The following OPCML variants were observed in gnomAD, a reference collection of about 807,000 sequenced individuals.
OPCML encodes opioid binding protein/cell adhesion molecule like.
In OPCML, 13 loss-of-function variants were observed where a neutral mutation model predicts 37.8. The observed-to-expected ratio is 0.34, with a 90% CI of 0.22 to 0.55. OPCML has a LOEUF of 0.55. Ranked by LOEUF, OPCML falls within the 20% of genes least tolerant of loss-of-function variation. The pLI, the probability that OPCML is intolerant of heterozygous loss-of-function variation, is 0.91. For missense variants in OPCML, 341 were observed against 435.6 expected, an observed-to-expected ratio of 0.78 and a Z score of 1.93; for synonymous variants, 176 against 168.8, an observed-to-expected ratio of 1.04 and a Z score of -0.33.
At chr11:133,169,237 C>T (rs1190849995) in intron 1 of OPCML, among the ~76,000 whole-genome samples, 1 of 152,168 alleles carries the variant, frequency 6.6e-6, no homozygotes. Flanking sequence ...CAATATCGTA[C>T]AGCTGGAAAG....
At chr11:132,435,008 A>G (rs2096008504) in intron 7 of OPCML, 14 of 398,988 alleles carry the variant, frequency 3.5e-5, no homozygotes, top group South Asian at 2.6e-4. Flanking sequence ...CTTATTATCT[A>G]AACTGTGTAA....
At chr11:132,704,641 AG>A (rs1943960301) in intron 2 of OPCML, among the ~76,000 whole-genome samples, 1 of 152,238 alleles carries the variant, frequency 6.6e-6, no homozygotes, top group South Asian at 2.1e-4. Context: ...AATAAACAAA[AG>A]TAAGGTCAAA....
intron 2 of OPCML, among the ~76,000 whole-genome samples, chr11:132,716,185 T>C (rs1039946970): frequency 6.6e-6 from 1 of 152,074 alleles, no homozygotes; most frequent in African/African-American, 2.4e-5. Context: ...AGGCAGGTAA[T>C]GAGAGCAGAG....
intron 1 of OPCML, among the ~76,000 whole-genome samples, chr11:133,030,054 C>T (rs924053657): frequency 1.3e-5 from 2 of 152,124 alleles, no homozygotes; most frequent in Admixed American, 1.3e-4. Flanking sequence ...TGCTCCCTGT[C>T]ACATCCCCTC....
intron 4 of OPCML, among the ~76,000 whole-genome samples, chr11:132,519,899 T>C (rs759818457): frequency 1.3e-5 from 2 of 152,172 alleles, no homozygotes; most frequent in Non-Finnish European, 2.9e-5. Flanking sequence ...GGTCAACTAA[T>C]AGGCAATTCC....
chr11:132,649,731 A>C (rs559426828), intron 3 of OPCML, among the ~76,000 whole-genome samples: 5 of 152,254 alleles, frequency 3.3e-5, no homozygotes, highest in African/African-American at 7.2e-5. Flanking sequence ...ATATCCAAGC[A>C]TATATATGTG....
intron 1 of OPCML, among the ~76,000 whole-genome samples, chr11:133,172,640 T>G (rs1950303229): frequency 6.6e-6 from 1 of 152,096 alleles, no homozygotes; most frequent in South Asian, 2.1e-4. Flanking sequence ...ACAGTCAGAT[T>G]TATTTGTATC....
intron 1 of OPCML, chr11:133,004,853 A>G (rs1464344043): frequency 2.0e-6 from 2 of 985,280 alleles, no homozygotes; most frequent in East Asian, 2.3e-4. Context: ...CACCATCCCC[A>G]AGACAGAAAT....
rs116055135 is a variant in OPCML at position 132,936,438 on chromosome 11, C to T, written c.146+6488G>A. On this transcript the variant is annotated intron_variant, in intron 2 of 7. Coordinates refer to ENST00000524381, the MANE Select transcript of OPCML (RefSeq NM_001012393.5). ...AGGGATTGTAATGGTCTGAAAATTACATGACATGTTAGGTAATTAATGTGG... is the reference window on the plus strand; with the variant it reads ...AGGGATTGTAATGGTCTGAAAATTATATGACATGTTAGGTAATTAATGTGG... 7.4e-3 allele frequency among the ~76,000 whole-genome samples: 1,130 copies of T among 152,258 alleles called. 14 individuals carry two copies. The highest frequency in any genetic ancestry group is 0.026 in the African/African-American group (1,073 of 41,540).
At chr11:132,637,260 C>A (rs570895757) in intron 3 of OPCML, among the ~76,000 whole-genome samples, 1 of 152,080 alleles carries the variant, frequency 6.6e-6, no homozygotes, top group East Asian at 1.9e-4. Context: ...CTATTTCCAC[C>A]GTTTTTTTCC....
At chr11:132,862,510 C>T (rs1197784802) in intron 2 of OPCML, among the ~76,000 whole-genome samples, 1 of 150,048 alleles carries the variant, frequency 6.7e-6, no homozygotes, top group Non-Finnish European at 1.5e-5. Flanking sequence ...TCTGAGAGTA[C>T]AAGAGGTGCA....
chr11:133,043,571 C>T (rs1947948894), intron 1 of OPCML, among the ~76,000 whole-genome samples: 1 of 152,208 alleles, frequency 6.6e-6, no homozygotes, highest in Non-Finnish European at 1.5e-5. Context: ...GCCTGTGCCA[C>T]AGTCTGCAGC....
intron 1 of OPCML, among the ~76,000 whole-genome samples, chr11:133,478,779 G>A (rs945471923): frequency 3.3e-5 from 5 of 151,772 alleles, no homozygotes; most frequent in East Asian, 1.9e-4. Flanking sequence ...TTTAACATTC[G>A]CTTATGCCTT....
rs995559948 is a variant in OPCML, at chr11:132,943,999, G to A, written c.62-989C>T. ...CTCCCGGTGCCGCCTCGGAGCGAGC[G>A]GGCTGGCGGGCGGCGCGGACTGCGC... On this transcript the variant is annotated intron_variant, in intron 1 of 7. Coordinates refer to ENST00000524381, the MANE Select transcript of OPCML (RefSeq NM_001012393.5). This position sits in a 1 kb window ranked among gnomAD's most constrained non-coding sequence, Gnocchi z 4.3. 6.6e-5 allele frequency among the ~76,000 whole-genome samples: 10 copies of A among 151,950 alleles called. No individual in the cohort carries two copies. In the South Asian group the frequency reaches 1.2e-3, roughly 19 times the overall value.
chr11:133,367,531 A>G (rs1426181469), intron 1 of OPCML, among the ~76,000 whole-genome samples: 1 of 152,216 alleles, frequency 6.6e-6, no homozygotes, highest in Non-Finnish European at 1.5e-5. Context: ...TTAAAATTTG[A>G]CATGTTTACT....
chr11:132,813,326 G>C (rs1477057083), intron 2 of OPCML, among the ~76,000 whole-genome samples: 1 of 152,164 alleles, frequency 6.6e-6, no homozygotes, highest in Non-Finnish European at 1.5e-5. Flanking sequence ...ATAATTAGAA[G>C]TCTCAACATA....
Position 132,684,117 on chromosome 11 carries a change from G to A in OPCML, c.147-26798C>T, listed in dbSNP as rs1347391698. Among the ~76,000 whole-genome samples, 4 of 152,162 alleles carry A rather than the reference G, an allele frequency of 2.6e-5. 1 individual carries two copies. The highest frequency in any genetic ancestry group is 2.1e-4 in the South Asian group (1 of 4,824). ...AGCAGTTCTAGGCTACACGATAATC[G>A]CTGATGAACTGAGAGATTAAAACTA... On this transcript the variant is annotated intron_variant, in intron 2 of 7. Coordinates refer to ENST00000524381, the MANE Select transcript of OPCML (RefSeq NM_001012393.5).
At chr11:132,551,805 C>A (rs756672053) in intron 3 of OPCML, among the ~76,000 whole-genome samples, 3 of 152,172 alleles carry the variant, frequency 2.0e-5, no homozygotes, top group African/African-American at 7.2e-5. Context: ...CCTGAGGAGA[C>A]CGATTTGAGT....
At chr11:133,456,154 T>C (rs752282819) in intron 1 of OPCML, among the ~76,000 whole-genome samples, 3 of 152,196 alleles carry the variant, frequency 2.0e-5, no homozygotes, top group Non-Finnish European at 2.9e-5. Context: ...CCATAGACAT[T>C]TGGGGGCAAA....
Sources: allele counts gnomAD v4.1 joint callset (sites outside exome capture counted in the v4.1 genomes callset), GRCh38; gene constraint gnomAD v4.1.1; non-coding constraint Gnocchi (gnomAD v3.1); transcripts MANE v1.5; gene names NCBI Gene and HGNC (gene_info 2026-07-23, HGNC 2026-07-21).